The following WDFY1 variants were observed in gnomAD, a reference collection of about 807,000 sequenced individuals.
WDFY1 encodes the protein WD repeat and FYVE domain containing 1.
Under a neutral mutation model 56.4 loss-of-function variants are expected in WDFY1, and 32 were observed. The observed-to-expected ratio is 0.57, with a 90% CI of 0.43 to 0.76. The LOEUF (loss-of-function observed/expected upper bound fraction) is 0.76, where lower values mean the gene tolerates loss of function less well. WDFY1 is among the 30% of genes least tolerant of loss of function. The probability of loss-of-function intolerance (pLI) is 0.00; values close to 1 mark genes in which losing one functional copy is unlikely to be tolerated. For missense variants in WDFY1, 480 were observed against 545.7 expected, an observed-to-expected ratio of 0.88 and a Z score of 1.20; for synonymous variants, 192 against 197.3, an observed-to-expected ratio of 0.97 and a Z score of 0.23.
intron 2 of WDFY1, among the ~76,000 whole-genome samples, chr2:223,914,755 T>C (rs953821741): frequency 6.6e-6 from 1 of 152,224 alleles, no homozygotes; most frequent in Non-Finnish European, 1.5e-5. Context: ...CTGCCTTGCA[T>C]AGCTGTTGTG....
chr2:223,893,723 G>GT (rs1473239444), intron 8 of WDFY1, among the ~76,000 whole-genome samples: 1 of 152,156 alleles, frequency 6.6e-6, no homozygotes, highest in African/African-American at 2.4e-5. Context: ...TAGAAATTAG[G>GT]TCACCTGAAA....
chr2:223,885,955 T>C (rs950231546), intron 8 of WDFY1, among the ~76,000 whole-genome samples: 3 of 152,234 alleles, frequency 2.0e-5, no homozygotes, highest in East Asian at 1.9e-4. Flanking sequence ...TTTGGTATTA[T>C]TCATCTTGAT....
At chr2:223,918,564 G>A (rs1693833253) in intron 1 of WDFY1, among the ~76,000 whole-genome samples, 1 of 151,460 alleles carries the variant, frequency 6.6e-6, no homozygotes, top group African/African-American at 2.4e-5. Context: ...CCGGGAGGCA[G>A]AGCTTACAGT....
intron 1 of WDFY1, among the ~76,000 whole-genome samples, chr2:223,940,819 GT>G (rs760193084): frequency 6.7e-6 from 1 of 149,412 alleles, no homozygotes; most frequent in African/African-American, 2.5e-5. Context: ...ATTTTTGTGG[GT>G]TTTTTTGTTT....
chr2:223,908,104 C>T (rs766885401), intron 3 of WDFY1, among the ~76,000 whole-genome samples: 1 of 152,282 alleles, frequency 6.6e-6, no homozygotes. Flanking sequence ...AATCCTCCTG[C>T]CTAAGCCTCC....
intron 1 of WDFY1, among the ~76,000 whole-genome samples, chr2:223,921,053 G>A (rs748491505): frequency 1.3e-5 from 2 of 152,204 alleles, no homozygotes; most frequent in Non-Finnish European, 1.5e-5. Context: ...TCTGGGGTAA[G>A]AGGAGGACTG....
chr2:223,929,342 C>G (rs1371906541), intron 1 of WDFY1, among the ~76,000 whole-genome samples: 1 of 152,004 alleles, frequency 6.6e-6, no homozygotes, highest in African/African-American at 2.4e-5. Context: ...CACCCACCAC[C>G]ATGCCCAGCT....
rs568161303 is a variant in WDFY1, at chr2:223,930,294, C to T, written c.138-12284G>A. Among the ~76,000 whole-genome samples, 34 of 152,336 alleles carry T rather than the reference C, an allele frequency of 2.2e-4. 3 individuals carry two copies. The Middle Eastern group carries it at 0.031, about 137-fold the overall frequency. On this transcript the variant is annotated intron_variant, in intron 1 of 11. Coordinates refer to ENST00000233055, the MANE Select transcript of WDFY1 (RefSeq NM_020830.5). ...ACGCTCCTTACAATCAGCCATTTTG[C>T]AGCTCTTTCCATCAAGAGATGGAAT...
intron 3 of WDFY1, among the ~76,000 whole-genome samples, chr2:223,910,887 T>G (rs191064101): frequency 1.4e-4 from 22 of 152,312 alleles, no homozygotes; most frequent in Admixed American, 1.1e-3. Flanking sequence ...AGTCACCATA[T>G]GACCCAGCAA....
At chr2:223,896,660 C>CTAA (rs1693386234) in intron 6 of WDFY1, among the ~76,000 whole-genome samples, 1 of 152,106 alleles carries the variant, frequency 6.6e-6, no homozygotes, top group Admixed American at 6.6e-5. Context: ...GCCACACAAG[C>CTAA]TAATAATAAT....
At chr2:223,937,546 C>T (rs4350743) in intron 1 of WDFY1, among the ~76,000 whole-genome samples, 131,567 of 152,084 alleles carry the variant, frequency 0.87, 57,385 homozygotes, top group Non-Finnish European at 0.93. Context: ...AGGTACAAAA[C>T]GGACTCATGT....
intron 4 of WDFY1, 126 bp downstream of exon 4, chr2:223,905,821 T>C: frequency 1.6e-6 from 1 of 607,790 alleles, no homozygotes; most frequent in South Asian, 4.4e-5. Context: ...ACAAGTCTCT[T>C]GCATAGTGGG....
At chr2:223,922,484 G>C (rs1352279812) in intron 1 of WDFY1, among the ~76,000 whole-genome samples, 1 of 152,192 alleles carries the variant, frequency 6.6e-6, no homozygotes, top group Admixed American at 6.5e-5. Context: ...CAGTGACAAA[G>C]GCCAAGGCAC....
chr2:223,910,530 A>C (rs1424676050), intron 3 of WDFY1, among the ~76,000 whole-genome samples: 2 of 152,090 alleles, frequency 1.3e-5, no homozygotes, highest in Non-Finnish European at 2.9e-5. Context: ...AGTATCTAAC[A>C]TACAGAAAAA....
intron 1 of WDFY1, among the ~76,000 whole-genome samples, chr2:223,943,681 C>T (rs1689352129): frequency 6.6e-6 from 1 of 152,176 alleles, no homozygotes; most frequent in Admixed American, 6.5e-5. Flanking sequence ...AAATTCCCAC[C>T]GGAAAGCTAC....
At chr2:223,940,378 A>G (rs969039019) in intron 1 of WDFY1, among the ~76,000 whole-genome samples, 1 of 152,188 alleles carries the variant, frequency 6.6e-6, no homozygotes, top group Non-Finnish European at 1.5e-5. Context: ...ACACACACAC[A>G]TACACACTTC....
intron 2 of WDFY1, among the ~76,000 whole-genome samples, chr2:223,915,748 A>C (rs1263777493): frequency 6.6e-6 from 1 of 152,196 alleles, no homozygotes; most frequent in Admixed American, 6.5e-5. Context: ...GGGCCACTGG[A>C]AAGTAAGGAG....
chr2:223,910,654 A>T (rs668999), intron 3 of WDFY1, among the ~76,000 whole-genome samples: 131,468 of 152,086 alleles, frequency 0.86, 57,298 homozygotes, highest in Non-Finnish European at 0.93. Flanking sequence ...GAAGATCCTC[A>T]ACATCACTAG....
chr2:223,901,035 T>C lies in WDFY1; in HGVS notation c.485+148A>G, dbSNP rs1693499111. On this transcript the variant is annotated intron_variant, in intron 5 of 11. Coordinates refer to ENST00000233055, the MANE Select transcript of WDFY1 (RefSeq NM_020830.5). ...TTGCAATTTTTGCAATTACTTTCCA[T>C]GGTAAAAAAAAAAATGCAATTACTT... 3 of 920,902 alleles carry C rather than the reference T, an allele frequency of 3.3e-6. No homozygotes were observed. The South Asian group carries it at 6.2e-5, about 19-fold the overall frequency. The allele number at this position is 920,902 out of a possible 1,614,324, so 57.0% of individuals were successfully genotyped here.
Sources: allele counts gnomAD v4.1 joint callset (sites outside exome capture counted in the v4.1 genomes callset), GRCh38; gene constraint gnomAD v4.1.1; transcripts MANE v1.5; gene names NCBI Gene and HGNC (gene_info 2026-07-23, HGNC 2026-07-21).